ZMAT4: variants seen among roughly 807,000 people sequenced by gnomAD.
ZMAT4 encodes the protein zinc finger matrin-type 4, also known as zinc finger matrin-type protein 4.
A neutral mutation model predicts 28.7 loss-of-function variants in ZMAT4; 17 were observed. The observed-to-expected ratio is 0.59, with a 90% confidence interval of 0.41 to 0.89. The LOEUF is 0.89. ZMAT4 is among the 40% of genes least tolerant of loss of function. The probability of loss-of-function intolerance (pLI) is 0.00; values close to 1 mark genes in which losing one functional copy is unlikely to be tolerated. For missense variants in ZMAT4, 240 were observed against 283.8 expected, an observed-to-expected ratio of 0.85 and a Z score of 1.11; for synonymous variants, 117 against 109.2, an observed-to-expected ratio of 1.07 and a Z score of -0.44.
At chr8:40,792,124 CTA>C (rs1392168025) in intron 2 of ZMAT4, among the ~76,000 whole-genome samples, 1 of 152,058 alleles carries the variant, frequency 6.6e-6, no homozygotes, top group Non-Finnish European at 1.5e-5. Flanking sequence ...CAAAAAAATC[CTA>C]TGTTTCACTT....
At chr8:40,577,874 T>C (rs1316865133) in intron 6 of ZMAT4, among the ~76,000 whole-genome samples, 1 of 151,916 alleles carries the variant, frequency 6.6e-6, no homozygotes, top group East Asian at 1.9e-4. Flanking sequence ...TTCTTAGGAA[T>C]AAATCTAAAT....
At chr8:40,598,553 A>G (rs1805180846) in intron 5 of ZMAT4, among the ~76,000 whole-genome samples, 1 of 152,084 alleles carries the variant, frequency 6.6e-6, no homozygotes, top group African/African-American at 2.4e-5. Flanking sequence ...CATTCTTTTT[A>G]TATAGCTGCA....
intron 3 of ZMAT4, among the ~76,000 whole-genome samples, chr8:40,709,963 C>T (rs370624436): frequency 4.0e-5 from 6 of 148,324 alleles, no homozygotes; most frequent in East Asian, 4.1e-4. Flanking sequence ...TCGTGAACCC[C>T]GGAGGTGGAG....
Position 40,833,153 on chromosome 8 carries a change from G to C in ZMAT4, c.-4-7473C>G, listed in dbSNP as rs556524129. Among the ~76,000 whole-genome samples the C allele has an allele frequency of 2.6e-5, 4 of 152,336 alleles. No individual in the cohort carries two copies. The South Asian group carries it at 8.3e-4, about 32-fold the overall frequency. ...AGCCTCAGAGGATGGGCTGGAAGCA[G>C]GGTCTGTCCTGTCCCCATCACACCT... is the stretch of plus-strand genomic sequence containing the variant. On this transcript the variant is annotated intron_variant, in intron 1 of 6. Transcript: ENST00000297737.
intron 2 of ZMAT4, among the ~76,000 whole-genome samples, chr8:40,790,807 A>G (rs181498884): frequency 6.6e-6 from 1 of 152,354 alleles, no homozygotes; most frequent in East Asian, 1.9e-4. Context: ...TTGAACATGC[A>G]AAGCACTTAG....
intron 6 of ZMAT4, among the ~76,000 whole-genome samples, chr8:40,550,876 G>A (rs149428981): frequency 1.3e-4 from 20 of 152,120 alleles, no homozygotes; most frequent in African/African-American, 4.6e-4. Flanking sequence ...CTTTTTAGTC[G>A]ACAGGTTTCT....
intron 5 of ZMAT4, among the ~76,000 whole-genome samples, chr8:40,620,976 A>G (rs935426126): frequency 2.0e-5 from 3 of 152,178 alleles, no homozygotes; most frequent in Non-Finnish European, 2.9e-5. Context: ...GTCTTGATGG[A>G]CTTATTTATA....
chr8:40,781,789 A>AAAAAAAAC (rs1563480296), intron 2 of ZMAT4, among the ~76,000 whole-genome samples: 4 of 147,848 alleles, frequency 2.7e-5, no homozygotes, highest in African/African-American at 1.0e-4. Context: ...AAAAAAAAAA[A>AAAAAAAAC]AAGAAAAGAA....
At chr8:40,601,595 AAAG>A (rs1805347101) in intron 5 of ZMAT4, among the ~76,000 whole-genome samples, 1 of 7,898 alleles carries the variant, frequency 1.3e-4, no homozygotes, top group African/African-American at 3.0e-4. Flanking sequence ...AGAAAGAAAG[AAAG>A]AAAGAAAGAA....
rs1416197316 is a variant in ZMAT4, at chr8:40,562,484, C to A, written c.674+18681G>T. Reference sequence around the variant, plus strand: ...CTACTTATTTTAAAAGAGGGTTCTGCTGTTATAATTTGAGTTCTTATGCAA... The same window carrying A: ...CTACTTATTTTAAAAGAGGGTTCTGATGTTATAATTTGAGTTCTTATGCAA... On this transcript the variant is annotated intron_variant, in intron 6 of 6. Transcript: ENST00000297737. 3.3e-3 allele frequency among the ~76,000 whole-genome samples: 7 copies of A among 2,102 alleles called. No individual in the cohort carries two copies. The Non-Finnish European group carries it at 0.052, about 16-fold the overall frequency. 1.4% of individuals were successfully genotyped at this position (2,102 alleles called of 152,430 possible).
At chr8:40,544,801 T>G (rs1399896377) in intron 6 of ZMAT4, among the ~76,000 whole-genome samples, 1 of 152,150 alleles carries the variant, frequency 6.6e-6, no homozygotes, top group Non-Finnish European at 1.5e-5. Flanking sequence ...GCTCTAGTTT[T>G]CATGAAAAAG....
intron 6 of ZMAT4, among the ~76,000 whole-genome samples, chr8:40,570,013 T>C (rs993870104): frequency 2.6e-5 from 4 of 152,146 alleles, no homozygotes; most frequent in African/African-American, 9.7e-5. Flanking sequence ...ATGAAGACAG[T>C]AAAACTCAGT....
intron 5 of ZMAT4, among the ~76,000 whole-genome samples, chr8:40,665,811 G>C (rs1162027421): frequency 6.6e-6 from 1 of 152,030 alleles, no homozygotes; most frequent in Non-Finnish European, 1.5e-5. Context: ...AACTTAGAAG[G>C]GGACAGTCAC....
chr8:40,809,545 G>A (rs896670979), intron 2 of ZMAT4, among the ~76,000 whole-genome samples: 1 of 152,122 alleles, frequency 6.6e-6, no homozygotes, highest in African/African-American at 2.4e-5. Context: ...TTACAATTTA[G>A]TTAAAAGACT....
At chr8:40,821,771 T>A (rs1291074041) in intron 2 of ZMAT4, among the ~76,000 whole-genome samples, 1 of 152,226 alleles carries the variant, frequency 6.6e-6, no homozygotes, top group Non-Finnish European at 1.5e-5. Flanking sequence ...TATAGAGTTA[T>A]GCTGCCAAAT....
At chr8:40,638,039 G>C (rs1050294123) in intron 5 of ZMAT4, among the ~76,000 whole-genome samples, 8 of 152,186 alleles carry the variant, frequency 5.3e-5, no homozygotes, top group African/African-American at 1.9e-4. Flanking sequence ...TAGAATCGTG[G>C]TTATCAGAGG....
chr8:40,727,879 G>A (rs1374114947), intron 3 of ZMAT4, among the ~76,000 whole-genome samples: 1 of 152,096 alleles, frequency 6.6e-6, no homozygotes, highest in Non-Finnish European at 1.5e-5. Context: ...TAAAATAAAG[G>A]AATGTTAAGT....
chr8:40,811,310 C>A lies in ZMAT4; in HGVS notation c.102+14265G>T, dbSNP rs141284543. ...GACGAGTGGATCTTCACAACTGTGACCCCCAGACCCAGGGCTGGGTATATT... is the reference window on the plus strand; with the variant it reads ...GACGAGTGGATCTTCACAACTGTGAACCCCAGACCCAGGGCTGGGTATATT... On this transcript the variant is annotated intron_variant, in intron 2 of 6. Coordinates refer to ENST00000297737, the MANE Select transcript of ZMAT4 (RefSeq NM_024645.3). Among the ~76,000 whole-genome samples the A allele has an allele frequency of 3.3e-5, 5 of 152,286 alleles. No individual in the cohort carries two copies. The East Asian group carries it at 9.7e-4, about 29-fold the overall frequency.
intron 5 of ZMAT4, among the ~76,000 whole-genome samples, chr8:40,593,748 G>A (rs1053831566): frequency 2.7e-4 from 41 of 152,180 alleles, no homozygotes; most frequent in Admixed American, 2.7e-3. Flanking sequence ...CTGTTAACAT[G>A]TTTTATTAAA....
Sources: allele counts gnomAD v4.1 joint callset (sites outside exome capture counted in the v4.1 genomes callset), GRCh38; gene constraint gnomAD v4.1.1; transcripts MANE v1.5; gene names NCBI Gene and HGNC (gene_info 2026-07-23, HGNC 2026-07-21).